The following FAM184B variants were observed in gnomAD, a reference collection of about 807,000 sequenced individuals.
FAM184B encodes the protein protein FAM184B.
A neutral mutation model predicts 135.9 loss-of-function variants in FAM184B; 111 were observed. The ratio of observed to expected loss-of-function variants is 0.82; its 90% confidence interval spans 0.70 to 0.96. The LOEUF is 0.96. FAM184B is among the 40% of genes least tolerant of loss of function. FAM184B has a pLI of 0.00. For missense variants in FAM184B, 1,375 were observed against 1,323.9 expected (o/e 1.04, Z -0.60); for synonymous variants, 552 against 524.8 (o/e 1.05, Z -0.71).
chr4:17,746,600 C>T (rs916948308), intron 1 of FAM184B, among the ~76,000 whole-genome samples: 5 of 151,296 alleles, frequency 3.3e-5, no homozygotes, highest in East Asian at 2.0e-4. Context: ...GCCGTGGTGG[C>T]GGGTGCCTGA....
At chr4:17,713,809 G>C (rs1041567250) in intron 1 of FAM184B, among the ~76,000 whole-genome samples, 1 of 152,170 alleles carries the variant, frequency 6.6e-6, no homozygotes. Context: ...GCTCTGTGCT[G>C]GGCACTGGGG....
At chr4:17,741,324 C>T (rs994191175) in intron 1 of FAM184B, among the ~76,000 whole-genome samples, 8 of 152,074 alleles carry the variant, frequency 5.3e-5, no homozygotes, top group South Asian at 2.1e-4. Flanking sequence ...AAGTGACATG[C>T]GAGTGAAGAT....
rs1577245384 is a variant in FAM184B at position 17,647,490 on chromosome 4, T to G, written c.2346+147A>C. ...GTCTTGAAATCCTGGCCTCAAGTGGTTCTCTGGCTTTGGCCTCCCAAAGTG... is the reference window on the plus strand; with the variant it reads ...GTCTTGAAATCCTGGCCTCAAGTGGGTCTCTGGCTTTGGCCTCCCAAAGTG... On this transcript the variant is annotated intron_variant, in intron 12 of 17. Transcript: ENST00000265018. The G allele has an allele frequency of 3.1e-6, 3 of 968,942 alleles. No individual in the cohort carries two copies. In the East Asian group the frequency reaches 8.0e-5, roughly 26 times the overall value. 60.0% of individuals were successfully genotyped at this position (968,942 alleles called of 1,614,324 possible). A position where few individuals can be genotyped will look rare whatever the true frequency, so the allele number is the denominator to read the frequency against.
chr4:17,732,318 C>G (rs1485113717), intron 1 of FAM184B, among the ~76,000 whole-genome samples: 1 of 151,982 alleles, frequency 6.6e-6, no homozygotes, highest in Non-Finnish European at 1.5e-5. Flanking sequence ...TAGCAGAAGG[C>G]AAGAAATAAC....
intron 8 of FAM184B, among the ~76,000 whole-genome samples, 156 bp from the exon 9 acceptor site, chr4:17,660,243 C>T (rs973759768): frequency 1.3e-5 from 2 of 152,144 alleles, no homozygotes; most frequent in Non-Finnish European, 2.9e-5. Flanking sequence ...AAAAAGCAAC[C>T]TGCCATATAA....
At chr4:17,672,180 C>T (rs115564256) in intron 7 of FAM184B, among the ~76,000 whole-genome samples, 2,476 of 152,134 alleles carry the variant, frequency 0.016, 78 homozygotes, top group African/African-American at 0.057. Flanking sequence ...TATAAGAGAA[C>T]CCCCTCATAA....
chr4:17,767,080 A>G (rs569149168), intron 1 of FAM184B, among the ~76,000 whole-genome samples: 1 of 152,248 alleles, frequency 6.6e-6, no homozygotes, highest in African/African-American at 2.4e-5. Context: ...TGGGGCCAGC[A>G]GCGCCAGCCG....
intron 10 of FAM184B, among the ~76,000 whole-genome samples, chr4:17,653,929 A>AGAGAGAGAGAGAGGGAGAGGGAGGGAG (rs1715711202): frequency 1.1e-3 from 79 of 72,120 alleles, no homozygotes; most frequent in African/African-American, 1.2e-3. Context: ...AGGGAGGGGG[A>AGAGAGAGAGAGAGGGAGAGGGAGGGAG]GGGGGATTTG....
At chr4:17,693,555 G>A (rs1384480956) in intron 5 of FAM184B, 143 bp from the exon 6 acceptor site, 7 of 660,784 alleles carry the variant, frequency 1.1e-5, no homozygotes, top group East Asian at 2.8e-5. Flanking sequence ...AGACATACAC[G>A]AGAAGGTCAA....
chr4:17,774,629 C>G (rs1718885320), intron 1 of FAM184B, among the ~76,000 whole-genome samples: 1 of 152,182 alleles, frequency 6.6e-6, no homozygotes, highest in African/African-American at 2.4e-5. Flanking sequence ...TCAACCCTGT[C>G]AGCACATTGG....
chr4:17,644,689 G>GCCCT (rs1190692851), intron 12 of FAM184B, among the ~76,000 whole-genome samples: 5 of 152,198 alleles, frequency 3.3e-5, no homozygotes, highest in Non-Finnish European at 7.3e-5. Context: ...AGATAGGGAT[G>GCCCT]CCCTCTCTCA....
intron 7 of FAM184B, among the ~76,000 whole-genome samples, chr4:17,666,144 A>C (rs958848280): frequency 2.0e-5 from 3 of 152,110 alleles, no homozygotes; most frequent in African/African-American, 7.2e-5. Flanking sequence ...CTACCAGACG[A>C]CCTGTGTTTA....
intron 1 of FAM184B, among the ~76,000 whole-genome samples, chr4:17,711,423 A>G (rs1717268549): frequency 6.6e-6 from 1 of 152,084 alleles, no homozygotes; most frequent in South Asian, 2.1e-4. Flanking sequence ...GGTTGTGGTG[A>G]GCAGAGATTG....
chr4:17,731,628 C>T (rs537697899), intron 1 of FAM184B, among the ~76,000 whole-genome samples: 1 of 152,316 alleles, frequency 6.6e-6, no homozygotes, highest in East Asian at 1.9e-4. Context: ...GAAGAGCTAA[C>T]TATCCTAAAT....
intron 17 of FAM184B, chr4:17,633,068 G>A (rs762129180): frequency 2.9e-4 from 45 of 156,716 alleles, no homozygotes; most frequent in South Asian, 5.7e-4. Context: ...AATTACAGGC[G>A]CATACCACCA....
chr4:17,705,004 T>C lies in FAM184B; in HGVS notation c.1373A>G (p.Gln458Arg), dbSNP rs937762347. 1.2e-5 allele frequency: 19 copies of C among 1,551,652 alleles called. No homozygotes were observed. Among genetic ancestry groups the C allele is most frequent in the Non-Finnish European group, 1.7e-5 (19 of 1,146,982 alleles). Residue 458 changes from glutamine (Q) to arginine (R), a missense_variant, in exon 5 of 18, where the codon CAG (glutamine) becomes CGG (arginine). Physicochemically the swap from Gln to Arg is conservative, Grantham distance 43. Transcript: ENST00000265018. ...CTCTATGGAAGTAGGTCTCACCCTCTGCAGTTTCTTTCTTTCAGCCTCCAC... is the reference window on the plus strand; with the variant it reads ...CTCTATGGAAGTAGGTCTCACCCTCCGCAGTTTCTTTCTTTCAGCCTCCAC... ...SSVEAERKKL[Q>R]REVEAQLEEV... is the part of the protein sequence containing the mutation.
In FAM184B at chr4:17,632,138, G is replaced by A. The variant is rs1261195263; in HGVS notation, c.*394C>T. The A allele has an allele frequency of 2.3e-5, 3 of 131,092 alleles. No homozygotes were observed. The highest frequency in any genetic ancestry group is 4.4e-4 in the East Asian group (2 of 4,556). 8.1% of individuals were successfully genotyped at this position (131,092 alleles called of 1,614,324 possible). ...CAGGCTGGTTGGAATGCAGGAGTTC[G>A]AACTTGGCTCACTGCAACCTCTGCC... On this transcript the variant is annotated 3_prime_UTR_variant, in exon 18 of 18. Coordinates refer to ENST00000265018, the MANE Select transcript of FAM184B (RefSeq NM_015688.2).
intron 1 of FAM184B, among the ~76,000 whole-genome samples, chr4:17,739,347 C>G (rs2108982251): frequency 6.6e-6 from 1 of 152,122 alleles, no homozygotes; most frequent in East Asian, 1.9e-4. Flanking sequence ...GAATCTGCCT[C>G]TGCTGTTCCC....
chr4:17,698,551 G>C (rs1009615030), intron 5 of FAM184B, among the ~76,000 whole-genome samples: 9 of 152,236 alleles, frequency 5.9e-5, no homozygotes, highest in Admixed American at 2.0e-4. Context: ...GCAGCTGAAA[G>C]AGTCAACCAG....
Sources: gnomAD v4.1 joint callset for allele counts (sites outside exome capture counted in the v4.1 genomes callset) on GRCh38, gnomAD v4.1.1 for gene constraint, MANE v1.5 for transcripts, NCBI Gene and HGNC (gene_info 2026-07-23, HGNC 2026-07-21) for gene names.